PDE4A: variants seen among roughly 807,000 people sequenced by gnomAD.
PDE4A encodes the protein phosphodiesterase 4A, also known as 3',5'-cyclic-AMP phosphodiesterase 4A.
In PDE4A, 21 loss-of-function variants were observed where a neutral mutation model predicts 73.9. The ratio of observed to expected loss-of-function variants is 0.28; its 90% CI spans 0.20 to 0.41. The LOEUF (loss-of-function observed/expected upper bound fraction) is 0.41, where lower values mean the gene tolerates loss of function less well. PDE4A is among the 10% of genes least tolerant of loss of function. The pLI is 1.00. For synonymous variants in PDE4A, 463 were observed against 505.4 expected, an observed-to-expected ratio of 0.92 and a Z score of 1.13; for missense variants, 958 against 1,211.4, an observed-to-expected ratio of 0.79 and a Z score of 3.10.
At chr19:10,439,541 T>C (rs1186342142) in intron 1 of PDE4A, among the ~76,000 whole-genome samples, 1 of 151,982 alleles carries the variant, frequency 6.6e-6, no homozygotes, top group Non-Finnish European at 1.5e-5. Flanking sequence ...GAATGGATTG[T>C]TTGTGAGTGG....
chr19:10,419,500 A>G (rs1405431432), upstream of PDE4A: 1 of 152,164 alleles, frequency 6.6e-6, no homozygotes, highest in Non-Finnish European at 1.5e-5. Flanking sequence ...GCTACCTGGG[A>G]CCTTCCTCAG....
In PDE4A at chr19:10,424,421, C is replaced by T. The variant is rs2042687752; in HGVS notation, c.320+3337C>T. ...GTCTCCACTTGGGTCCTCGCCTCCCCCTTGTCCCTGGCGCTCCCAAGTCCC... is the reference window on the plus strand; with the variant it reads ...GTCTCCACTTGGGTCCTCGCCTCCCTCTTGTCCCTGGCGCTCCCAAGTCCC... On this transcript the variant is annotated intron_variant, in intron 1 of 14. Coordinates refer to ENST00000380702, the MANE Select transcript of PDE4A (RefSeq NM_001111307.2). This position sits in a 1 kb window ranked among gnomAD's most constrained non-coding sequence, Gnocchi z 4.8. Among the ~76,000 whole-genome samples the T allele has an allele frequency of 2.0e-5, 3 of 152,200 alleles. No homozygotes were observed. Among genetic ancestry groups the T allele is most frequent in the Admixed American group, 1.3e-4 (2 of 15,280 alleles).
intron 1 of PDE4A, among the ~76,000 whole-genome samples, chr19:10,438,344 C>G (rs1013751299): frequency 1.3e-5 from 2 of 152,160 alleles, no homozygotes; most frequent in South Asian, 2.1e-4. Context: ...CTCTCCTGAC[C>G]TTGTGATCCG....
intron 4 of PDE4A, 162 bp from the exon 5 acceptor site, chr19:10,450,441 T>C (rs557552341): frequency 4.2e-6 from 4 of 959,818 alleles, no homozygotes; most frequent in Non-Finnish European, 5.0e-6. Context: ...AATGGATTTT[T>C]CTGGGACTCA....
chr19:10,424,388 T>C lies in PDE4A; in HGVS notation c.320+3304T>C, dbSNP rs1282365571. Among the ~76,000 whole-genome samples, 1 of 152,218 alleles carries C rather than the reference T, an allele frequency of 6.6e-6. No individual in the cohort carries two copies. The highest frequency in any genetic ancestry group is 1.5e-5 in the Non-Finnish European group (1 of 68,030). On this transcript the variant is annotated intron_variant, in intron 1 of 14. Coordinates refer to ENST00000380702, the MANE Select transcript of PDE4A (RefSeq NM_001111307.2). The surrounding 1 kb of genome is among the most constrained non-coding windows in gnomAD (Gnocchi z 4.8). ...CGAGCTGGGGTATCCGTCTGGTCGC[T>C]GGTCTCTGTCTCCACTTGGGTCCTC...
chr19:10,417,502 C>T (rs929872571), upstream of PDE4A: 53 of 981,664 alleles, frequency 5.4e-5, no homozygotes, highest in South Asian at 8.0e-4. Flanking sequence ...TGGCAGGGCA[C>T]CCTCTGTGTG....
intron 1 of PDE4A, among the ~76,000 whole-genome samples, chr19:10,434,236 G>C (rs549668964): frequency 8.0e-6 from 1 of 125,510 alleles, no homozygotes; most frequent in Non-Finnish European, 1.6e-5. Flanking sequence ...TCAGGGTCTC[G>C]CTCTGTCACC....
chr19:10,455,192 G>C (rs1470804762), intron 7 of PDE4A, among the ~76,000 whole-genome samples: 1 of 152,186 alleles, frequency 6.6e-6, no homozygotes, highest in African/African-American at 2.4e-5. Flanking sequence ...GCCGGGCGCG[G>C]TGGCTCACGC....
rs199602293 is a variant in PDE4A at position 10,446,290 on chromosome 19, C to T, written c.393C>T (p.Leu131=). Reference sequence around the variant, plus strand: ...TGGACTCGCAGGCGAGCCCAGGACTCGTGCTGCACGCCGGGGCGGCCACCA... The same window carrying T: ...TGGACTCGCAGGCGAGCCCAGGACTTGTGCTGCACGCCGGGGCGGCCACCA... ...SPLDSQASPG[L]VLHAGAATSQ... is the part of the protein sequence containing the mutation. Residue 131 remains leucine, a synonymous_variant, in exon 2 of 15, where the codon CTC becomes CTT. Coordinates refer to ENST00000380702, the MANE Select transcript of PDE4A (RefSeq NM_001111307.2). 2.2e-5 allele frequency: 35 copies of T among 1,609,832 alleles called. No individual in the cohort carries two copies. The highest frequency in any genetic ancestry group is 1.3e-4 in the East Asian group (6 of 44,652).
chr19:10,434,460 G>A (rs1371240683), intron 1 of PDE4A, among the ~76,000 whole-genome samples: 1 of 151,990 alleles, frequency 6.6e-6, no homozygotes, highest in South Asian at 2.1e-4. Context: ...CATCCACCTT[G>A]GCCTCCCAAA....
intron 1 of PDE4A, among the ~76,000 whole-genome samples, chr19:10,443,396 T>G (rs772918177): frequency 5.3e-5 from 8 of 151,202 alleles, no homozygotes; most frequent in Non-Finnish European, 1.2e-4. Context: ...AATACAAAAT[T>G]TATCTGGGGG....
Position 10,432,354 on chromosome 19 carries a change from A to T in PDE4A, c.320+11270A>T. ...GGTGCCGGCAGTGGAGGCCGCAGAC[A>T]CCTTGGGCCTGGCCAGCAGCGCGCG... On this transcript the variant is annotated intron_variant, in intron 1 of 14. Coordinates refer to ENST00000380702, the MANE Select transcript of PDE4A (RefSeq NM_001111307.2). The T allele has an allele frequency of 7.0e-6, 9 of 1,292,280 alleles. No individual in the cohort carries two copies. In the South Asian group the frequency reaches 2.3e-4, roughly 33 times the overall value. The allele number at this position is 1,292,280 out of a possible 1,614,324, so 80.1% of individuals were successfully genotyped here.
intron 10 of PDE4A, 145 bp downstream of exon 10, chr19:10,459,904 G>C (rs60167376): frequency 0.2 from 196,170 of 1,004,828 alleles, 22,057 homozygotes; most frequent in East Asian, 0.41. Flanking sequence ...TTTTTGAGAC[G>C]GAGTCTTGCT....
chr19:10,421,316 C>G, intron 1 of PDE4A: 1 of 985,300 alleles, frequency 1.0e-6, no homozygotes, highest in Non-Finnish European at 1.2e-6. Context: ...CCACGCTGCG[C>G]GTGGTGTTAA....
In PDE4A at chr19:10,421,003, G is replaced by A. The variant is rs1423681092; in HGVS notation, c.239G>A (p.Arg80His). 4.6e-6 allele frequency: 7 copies of A among 1,516,476 alleles called. No individual in the cohort carries two copies. The highest frequency in any genetic ancestry group is 6.1e-6 in the Non-Finnish European group (7 of 1,141,008). The allele number at this position is 1,516,476 out of a possible 1,614,324, so 93.9% of individuals were successfully genotyped here. A position where few individuals can be genotyped will look rare whatever the true frequency, so the allele number is the denominator to read the frequency against. Residue 80 changes from arginine to histidine, a missense_variant, in exon 1 of 15, where the codon CGC becomes CAC. Transcript: ENST00000380702. ...GACACCAGCGACCGGCCCGGCCTGC[G>A]CACGACCCGCATGTCCTGGCCCTCG... ...AMDTSDRPGL[R>H]TTRMSWPSSF... is the part of the protein sequence containing the mutation.
At chr19:10,439,429 G>A (rs375652836) in intron 1 of PDE4A, among the ~76,000 whole-genome samples, 113 of 152,190 alleles carry the variant, frequency 7.4e-4, no homozygotes, top group African/African-American at 2.6e-3. Flanking sequence ...TAATCTGCCC[G>A]CCTCGGCCTC....
At position 10,430,827 on chromosome 19, in the gene PDE4A, C is replaced by T. The variant is rs561712722; in HGVS notation, c.320+9743C>T. ...CGCAGCTCCCCAGCGCCCGCCGAGG[C>T]GGGGCCGCCCCGCGGCCATGGCGCG... On this transcript the variant is annotated intron_variant, in intron 1 of 14. Transcript: ENST00000380702. The T allele has an allele frequency of 5.0e-5, 54 of 1,085,822 alleles. No homozygotes were observed. The South Asian group carries it at 2.0e-3, about 40-fold the overall frequency. The allele number at this position is 1,085,822 out of a possible 1,614,324, so 67.3% of individuals were successfully genotyped here.
At chr19:10,429,145 AGAAAGGAAAG>A (rs375167574) in intron 1 of PDE4A, among the ~76,000 whole-genome samples, 2 of 150,900 alleles carry the variant, frequency 1.3e-5, no homozygotes, top group Non-Finnish European at 3.0e-5. Context: ...GGGAGGAAGG[AGAAAGGAAAG>A]GAAAGGAAAG....
intron 1 of PDE4A, chr19:10,428,757 C>T (rs2042749882): frequency 1.0e-6 from 1 of 984,908 alleles, no homozygotes; most frequent in South Asian, 4.7e-5. Flanking sequence ...CACACGCAAG[C>T]CCAGGCTTCC....
Sources: gnomAD v4.1 joint callset for allele counts (sites outside exome capture counted in the v4.1 genomes callset) on GRCh38, gnomAD v4.1.1 for gene constraint, Gnocchi (gnomAD v3.1) non-coding constraint, MANE v1.5 for transcripts, NCBI Gene and HGNC (gene_info 2026-07-23, HGNC 2026-07-21) for gene names.